The following SMURF2 variants were observed in gnomAD, a reference collection of about 807,000 sequenced individuals.
The protein encoded by SMURF2 is SMAD specific E3 ubiquitin protein ligase 2, also known as E3 ubiquitin-protein ligase SMURF2.
SMURF2 carries 48 observed loss-of-function variants against 109.6 expected under a neutral mutation model. The ratio of observed to expected loss-of-function variants is 0.44; its 90% confidence interval spans 0.35 to 0.56. The LOEUF (loss-of-function observed/expected upper bound fraction) is 0.56, where lower values mean the gene tolerates loss of function less well. SMURF2 is among the 20% of genes least tolerant of loss of function. The pLI is 0.01. For missense variants in SMURF2, 575 were observed against 909.0 expected (o/e 0.63, Z 4.72); for synonymous variants, 288 against 317.1 (o/e 0.91, Z 0.97).
At chr17:64,657,376 G>A (rs907487206) in intron 1 of SMURF2, among the ~76,000 whole-genome samples, 2 of 151,964 alleles carry the variant, frequency 1.3e-5, no homozygotes, top group African/African-American at 4.8e-5. Flanking sequence ...GACATATTAC[G>A]TCTTTAAGAC....
At chr17:64,564,241 TGAATAA>T (rs1969269424) in intron 10 of SMURF2, among the ~76,000 whole-genome samples, 1 of 152,110 alleles carries the variant, frequency 6.6e-6, no homozygotes, top group Non-Finnish European at 1.5e-5. Context: ...AGTAGATAAA[TGAATAA>T]ACTGTGGTAT....
Position 64,583,605 on chromosome 17 carries a change from C to T in SMURF2, c.486-61G>A, listed in dbSNP as rs558648860. 34 of 1,239,002 alleles carry T rather than the reference C, an allele frequency of 2.7e-5. No homozygotes were observed. In the African/African-American group the frequency reaches 5.1e-4, roughly 18 times the overall value. 76.8% of individuals were successfully genotyped at this position (1,239,002 alleles called of 1,614,324 possible). On this transcript the variant is annotated intron_variant, in intron 6 of 18. Coordinates refer to ENST00000262435, the MANE Select transcript of SMURF2 (RefSeq NM_022739.4). ...GGAAACTTGGACACAGTGCAACAAG[C>T]AAGCCAGTAAGACATCTGCTGTTAC...
Position 64,545,842 on chromosome 17 carries a change from A to G in SMURF2, c.*6T>C, listed in dbSNP as rs372354133. ...AATAGAGTCCTGGGTAAATCCTTGA[A>G]GCTTGTCATTCCACAGCAAATCCAC... is the stretch of plus-strand genomic sequence containing the variant. On this transcript the variant is annotated 3_prime_UTR_variant, in exon 19 of 19. Coordinates refer to ENST00000262435, the MANE Select transcript of SMURF2 (RefSeq NM_022739.4). 7 of 1,565,048 alleles carry G rather than the reference A, an allele frequency of 4.5e-6. No individual in the cohort carries two copies. The highest frequency in any genetic ancestry group is 1.1e-5 in the South Asian group (1 of 90,054).
At chr17:64,579,807 C>T (rs1340436508) in intron 8 of SMURF2, among the ~76,000 whole-genome samples, 2 of 152,078 alleles carry the variant, frequency 1.3e-5, no homozygotes, top group African/African-American at 2.4e-5. Flanking sequence ...ATAATGTGCT[C>T]GGTGTTACAT....
chr17:64,637,646 T>C (rs1002591935), intron 1 of SMURF2, among the ~76,000 whole-genome samples: 3 of 150,938 alleles, frequency 2.0e-5, no homozygotes, highest in Admixed American at 6.6e-5. Context: ...TCACTGTAAC[T>C]GCTGCCTCCC....
chr17:64,612,167 T>C (rs1263591604), intron 1 of SMURF2, among the ~76,000 whole-genome samples: 1 of 152,120 alleles, frequency 6.6e-6, no homozygotes, highest in African/African-American at 2.4e-5. Flanking sequence ...GAATGTTGCT[T>C]ATAATTGCGG....
At chr17:64,562,659 T>C in intron 11 of SMURF2, 112 bp downstream of exon 11, 1 of 1,038,334 alleles carries the variant, frequency 9.6e-7, no homozygotes. Flanking sequence ...ATTACAGGCG[T>C]GAGCCACCGC....
At chr17:64,548,332 A>T (rs1255614868) in intron 16 of SMURF2, among the ~76,000 whole-genome samples, 1 of 152,166 alleles carries the variant, frequency 6.6e-6, no homozygotes, top group East Asian at 1.9e-4. Context: ...GAAGCAACCG[A>T]TAATGCACAG....
At chr17:64,608,832 A>C (rs1457413373) in intron 1 of SMURF2, among the ~76,000 whole-genome samples, 6 of 152,164 alleles carry the variant, frequency 3.9e-5, no homozygotes, top group African/African-American at 1.4e-4. Flanking sequence ...CAGCTGTTAT[A>C]CATATCCTCT....
chr17:64,573,349 T>C (rs1969443539), intron 9 of SMURF2, among the ~76,000 whole-genome samples: 1 of 151,504 alleles, frequency 6.6e-6, no homozygotes, highest in Non-Finnish European at 1.5e-5. Flanking sequence ...TTATAAGTAA[T>C]CACAAATTTC....
chr17:64,659,009 A>G (rs1970739350), intron 1 of SMURF2, among the ~76,000 whole-genome samples: 1 of 152,248 alleles, frequency 6.6e-6, no homozygotes, highest in Non-Finnish European at 1.5e-5. Flanking sequence ...TTATTAAATT[A>G]GCCCCACCTT....
intron 9 of SMURF2, among the ~76,000 whole-genome samples, chr17:64,573,800 C>G (rs1403687631): frequency 6.6e-6 from 1 of 152,070 alleles, no homozygotes; most frequent in Non-Finnish European, 1.5e-5. Context: ...ACTGCACCGG[C>G]CCCAAATAGA....
intron 1 of SMURF2, among the ~76,000 whole-genome samples, chr17:64,656,501 A>G (rs191040950): frequency 6.6e-6 from 1 of 152,230 alleles, no homozygotes; most frequent in African/African-American, 2.4e-5. Flanking sequence ...GCTTATACTT[A>G]TAACAGAATA....
intron 1 of SMURF2, among the ~76,000 whole-genome samples, chr17:64,657,123 G>A (rs1378479948): frequency 6.6e-6 from 1 of 152,126 alleles, no homozygotes; most frequent in East Asian, 1.9e-4. Context: ...CTGGCTTCAT[G>A]GCACTTAAAG....
intron 10 of SMURF2, among the ~76,000 whole-genome samples, chr17:64,564,023 A>T (rs1555684753): frequency 2.6e-5 from 4 of 152,212 alleles, no homozygotes; most frequent in African/African-American, 9.6e-5. Context: ...ATATCTAAAG[A>T]AGCTCAAAAC....
intron 10 of SMURF2, 82 bp downstream of exon 10, chr17:64,571,716 G>T: frequency 2.9e-6 from 4 of 1,382,626 alleles, no homozygotes; most frequent in Non-Finnish European, 3.9e-6. Flanking sequence ...ACTGTATCGA[G>T]ACTCACATTT....
At chr17:64,551,741 T>C in intron 15 of SMURF2, 37 bp from the exon 16 acceptor site, 1 of 1,609,902 alleles carries the variant, frequency 6.2e-7, no homozygotes. Flanking sequence ...TAATCACATG[T>C]ATTTTCAGAT....
In SMURF2 at chr17:64,581,364, CT is replaced by C. The variant is rs1555686557; in HGVS notation, c.570-374del. 6.6e-6 allele frequency among the ~76,000 whole-genome samples: 1 copy of C among 152,188 alleles called. No homozygotes were observed. The highest frequency in any genetic ancestry group is 1.5e-5 in the Non-Finnish European group (1 of 68,028). On this transcript the variant is annotated intron_variant, in intron 7 of 18. Transcript: ENST00000262435. This position sits in a 1 kb window ranked among gnomAD's most constrained non-coding sequence, Gnocchi z 4.3. ...ACTCTGCTTCAGCCACACTCATATT[CT>C]TCCTGTTCCTTGAACTTGCCAAGGT...
At chr17:64,567,196 T>C (rs1598274484) in intron 10 of SMURF2, among the ~76,000 whole-genome samples, 2 of 152,136 alleles carry the variant, frequency 1.3e-5, no homozygotes, top group African/African-American at 4.8e-5. Flanking sequence ...AAATCAAAGA[T>C]ATTGAAGAGA....
Sources: gnomAD v4.1 joint callset for allele counts (sites outside exome capture counted in the v4.1 genomes callset) on GRCh38, gnomAD v4.1.1 for gene constraint, Gnocchi (gnomAD v3.1) non-coding constraint, MANE v1.5 for transcripts, NCBI Gene and HGNC (gene_info 2026-07-23, HGNC 2026-07-21) for gene names.